PCDHGA4: variants seen among roughly 807,000 people sequenced by gnomAD.
The protein encoded by PCDHGA4 is protocadherin gamma-A4.
Under a neutral mutation model 54.6 loss-of-function variants are expected in PCDHGA4, and 38 were observed. The ratio of observed to expected loss-of-function variants is 0.70; its 90% CI spans 0.54 to 0.91. The LOEUF (loss-of-function observed/expected upper bound fraction) is 0.91, where lower values mean the gene tolerates loss of function less well. PCDHGA4 is among the 40% of genes least tolerant of loss of function. The pLI, the probability that PCDHGA4 is intolerant of heterozygous loss-of-function variation, is 0.00. For missense variants in PCDHGA4, 1,298 were observed against 1,220.9 expected (o/e 1.06, Z -0.94); for synonymous variants, 511 against 512.9 (o/e 1.00, Z 0.05).
chr5:141,469,395 T>G lies in PCDHGA4; in HGVS notation c.2515-25412T>G, dbSNP rs1332746609. ...ATCGAGACCATCCTGGCCAACATGG[T>G]GAAACCCCGTTTCTACTAAAAATAT... On this transcript the variant is annotated intron_variant, in intron 1 of 3. Transcript: ENST00000571252. Among the ~76,000 whole-genome samples, 6 of 152,194 alleles carry G rather than the reference T, an allele frequency of 3.9e-5. No homozygotes were observed. The East Asian group carries it at 1.2e-3, about 29-fold the overall frequency.
intron 1 of PCDHGA4, among the ~76,000 whole-genome samples, chr5:141,461,906 C>A (rs2154567542): frequency 6.6e-6 from 1 of 152,270 alleles, no homozygotes; most frequent in South Asian, 2.1e-4. Context: ...TCACTGCAAC[C>A]TCTGCCTCCT....
At chr5:141,508,806 C>T (rs1243735850) in intron 3 of PCDHGA4, among the ~76,000 whole-genome samples, 1 of 152,066 alleles carries the variant, frequency 6.6e-6, no homozygotes, top group African/African-American at 2.4e-5. Flanking sequence ...AATCCTGGCT[C>T]TTTGAAGCCA....
chr5:141,367,311 G>A (rs1390904308), intron 1 of PCDHGA4: 2 of 152,784 alleles, frequency 1.3e-5, no homozygotes, highest in Middle Eastern at 3.4e-3. Flanking sequence ...GGCTGAGGTG[G>A]GCGGATCACG....
chr5:141,436,859 A>G (rs550974791), intron 1 of PCDHGA4, among the ~76,000 whole-genome samples: 7 of 152,250 alleles, frequency 4.6e-5, no homozygotes, highest in Non-Finnish European at 1.0e-4. Flanking sequence ...TTGAGAAGCC[A>G]CAGTTTTAGG....
At chr5:141,405,094 C>T (rs1289372327) in intron 1 of PCDHGA4, 4 of 1,613,840 alleles carry the variant, frequency 2.5e-6, no homozygotes, top group Non-Finnish European at 3.4e-6. Flanking sequence ...TGCTGGCCCT[C>T]AGGCTGAGGC....
At chr5:141,394,430 C>T (rs2150569215) in intron 1 of PCDHGA4, 1 of 1,614,244 alleles carries the variant, frequency 6.2e-7, no homozygotes, top group African/African-American at 1.3e-5. Context: ...ACAGCGGGGA[C>T]CCGCCCCTCA....
At position 141,390,471 on chromosome 5, in the gene PCDHGA4, G is replaced by C. The variant is rs969771801; in HGVS notation, c.2514+32850G>C. The C allele has an allele frequency of 7.2e-6, 5 of 697,624 alleles. No homozygotes were observed. The African/African-American group carries it at 9.0e-5, about 13-fold the overall frequency. The allele number at this position is 697,624 out of a possible 1,614,324, so 43.2% of individuals were successfully genotyped here. On this transcript the variant is annotated intron_variant, in intron 1 of 3. Coordinates refer to ENST00000571252, the MANE Select transcript of PCDHGA4 (RefSeq NM_018917.4). ...GGAGTAAAGTAGGAGCAATTGTGTG[G>C]CCCAACATTTGTTTGTTTTTTAGCC... is the stretch of plus-strand genomic sequence containing the variant.
chr5:141,365,825 G>A (rs772088278), intron 1 of PCDHGA4: 1 of 1,613,942 alleles, frequency 6.2e-7, no homozygotes, highest in South Asian at 1.1e-5. Context: ...ATTTCAGGGG[G>A]CGCCCTTGTC....
chr5:141,361,548 C>T (rs374369531), intron 1 of PCDHGA4: 4 of 1,614,094 alleles, frequency 2.5e-6, no homozygotes, highest in African/African-American at 1.3e-5. Context: ...GCGCCTCTAT[C>T]GCTCAAATCA....
chr5:141,410,629 C>A (rs1393614526), intron 1 of PCDHGA4: 1 of 1,601,482 alleles, frequency 6.2e-7, no homozygotes, highest in East Asian at 2.2e-5. Context: ...CGGTGAGTTT[C>A]TCTTTTTTGT....
intron 1 of PCDHGA4, among the ~76,000 whole-genome samples, chr5:141,369,675 G>A: frequency 6.6e-6 from 1 of 152,152 alleles, no homozygotes; most frequent in East Asian, 1.9e-4. Context: ...AGAAGAAAGT[G>A]AAACATAGAA....
chr5:141,399,797 G>C lies in PCDHGA4; in HGVS notation c.2514+42176G>C, dbSNP rs760211919. On this transcript the variant is annotated intron_variant, in intron 1 of 3. Coordinates refer to ENST00000571252, the MANE Select transcript of PCDHGA4 (RefSeq NM_018917.4). ...GGCGACCGAAACGACAACGCACCGC[G>C]GGTGCTGTACCCCGCGCTGGGTCCC... 4.3e-6 allele frequency: 7 copies of C among 1,613,192 alleles called. No homozygotes were observed. In the South Asian group the frequency reaches 7.7e-5, roughly 18 times the overall value.
chr5:141,365,633 G>A (rs920081153), intron 1 of PCDHGA4: 2 of 1,613,410 alleles, frequency 1.2e-6, no homozygotes, highest in Non-Finnish European at 1.7e-6. Context: ...CCTCTCTACA[G>A]AAAGCCACAT....
chr5:141,375,647 T>C (rs1265306389), intron 1 of PCDHGA4: 2 of 1,614,038 alleles, frequency 1.2e-6, no homozygotes. Flanking sequence ...CTCCTTCGAC[T>C]ATGAGCAGTT....
intron 1 of PCDHGA4, among the ~76,000 whole-genome samples, chr5:141,387,106 A>G (rs2090822229): frequency 6.6e-6 from 1 of 152,238 alleles, no homozygotes; most frequent in African/African-American, 2.4e-5. Context: ...GAATCACATA[A>G]TATTCCTGTA....
intron 1 of PCDHGA4, among the ~76,000 whole-genome samples, chr5:141,407,776 A>G (rs1248399145): frequency 2.0e-5 from 3 of 152,234 alleles, no homozygotes; most frequent in Non-Finnish European, 4.4e-5. Context: ...TGTGCATAAT[A>G]GATTTATTTA....
intron 3 of PCDHGA4, among the ~76,000 whole-genome samples, chr5:141,505,999 G>A (rs891447053): frequency 1.3e-5 from 2 of 152,172 alleles, no homozygotes; most frequent in African/African-American, 4.8e-5. Flanking sequence ...TTTATGCGAG[G>A]CTCCTCTTTT....
At chr5:141,449,251 A>T (rs918418872) in intron 1 of PCDHGA4, among the ~76,000 whole-genome samples, 10 of 152,256 alleles carry the variant, frequency 6.6e-5, no homozygotes, top group Middle Eastern at 3.4e-3. Flanking sequence ...AGTTGCAAGA[A>T]TTGTACAAAG....
chr5:141,370,773 AACG>A, intron 1 of PCDHGA4: 2 of 1,614,002 alleles, frequency 1.2e-6, no homozygotes, highest in Non-Finnish European at 1.7e-6. Flanking sequence ...CCAGGATATT[AACG>A]ACAACCCACC....
Sources: gnomAD v4.1 joint callset for allele counts (sites outside exome capture counted in the v4.1 genomes callset) on GRCh38, gnomAD v4.1.1 for gene constraint, MANE v1.5 for transcripts, NCBI Gene and HGNC (gene_info 2026-07-23, HGNC 2026-07-21) for gene names.